SORCS3: variants seen among roughly 807,000 people sequenced by gnomAD.
SORCS3 encodes the protein VPS10 domain-containing receptor SorCS3.
Under a neutral mutation model 146.3 loss-of-function variants are expected in SORCS3, and 57 were observed. The observed-to-expected ratio is 0.39, with a 90% CI of 0.31 to 0.49. SORCS3 has a LOEUF of 0.49. SORCS3 is among the 20% of genes least tolerant of loss of function. The pLI is 0.92. For missense variants in SORCS3, 1,341 were observed against 1,575.5 expected (o/e 0.85, Z 2.52); for synonymous variants, 653 against 618.5 (o/e 1.06, Z -0.83).
chr10:105,051,777 C>A (rs1196323492), intron 5 of SORCS3, among the ~76,000 whole-genome samples: 2 of 152,068 alleles, frequency 1.3e-5, no homozygotes, highest in Non-Finnish European at 2.9e-5. Context: ...TATTGCAAAC[C>A]AGGGTATGCT....
chr10:104,970,497 C>T (rs2054854602), intron 3 of SORCS3, among the ~76,000 whole-genome samples: 1 of 152,170 alleles, frequency 6.6e-6, no homozygotes, highest in Admixed American at 6.5e-5. Flanking sequence ...ACAGATGCTT[C>T]CTCAGGTTTT....
intron 4 of SORCS3, among the ~76,000 whole-genome samples, chr10:105,000,060 T>C (rs2055051855): frequency 1.1e-5 from 1 of 89,560 alleles, no homozygotes; most frequent in Middle Eastern, 5.4e-3. Flanking sequence ...ACCTGCTGAA[T>C]GAATGAATGA....
intron 19 of SORCS3, among the ~76,000 whole-genome samples, chr10:105,219,322 T>A (rs1206613998): frequency 1.3e-5 from 2 of 152,188 alleles, no homozygotes; most frequent in Non-Finnish European, 2.9e-5. Context: ...TATCCAGCAA[T>A]GAGTTGTAAC....
chr10:105,125,963 T>G (rs1166403762), intron 7 of SORCS3, among the ~76,000 whole-genome samples: 1 of 152,058 alleles, frequency 6.6e-6, no homozygotes, highest in East Asian at 1.9e-4. Flanking sequence ...AAGTCTAGGC[T>G]TGGTTGCTGT....
In SORCS3 at chr10:105,009,240, G is replaced by A. The variant is rs538232359; in HGVS notation, c.954+31747G>A. On this transcript the variant is annotated intron_variant, in intron 4 of 26. Transcript: ENST00000369701. ...GAGCTAGTGCATGTCAGAGCCAAAG[G>A]AGAAACTAATTTTTTAGGAGAATCT... Among the ~76,000 whole-genome samples the A allele has an allele frequency of 1.6e-3, 246 of 152,258 alleles. 2 individuals are homozygous for A. Among genetic ancestry groups the A allele is most frequent in the Non-Finnish European group, 3.1e-3 (210 of 68,020 alleles).
chr10:105,134,597 C>G (rs1384395758), intron 7 of SORCS3, among the ~76,000 whole-genome samples: 1 of 151,634 alleles, frequency 6.6e-6, no homozygotes, highest in Non-Finnish European at 1.5e-5. Flanking sequence ...TTCTCCAGCC[C>G]TTTTATGAAG....
At chr10:104,680,562 C>T (rs965346118) in intron 1 of SORCS3, among the ~76,000 whole-genome samples, 1 of 152,206 alleles carries the variant, frequency 6.6e-6, no homozygotes, top group African/African-American at 2.4e-5. Flanking sequence ...GTGGGTGAGT[C>T]ATTTGACCTC....
intron 7 of SORCS3, among the ~76,000 whole-genome samples, chr10:105,126,996 A>G (rs2055979973): frequency 6.6e-6 from 1 of 152,134 alleles, no homozygotes; most frequent in Non-Finnish European, 1.5e-5. Context: ...TCCATGACCC[A>G]TGGTACTTAA....
At chr10:104,730,038 A>G (rs929786534) in intron 1 of SORCS3, among the ~76,000 whole-genome samples, 1 of 152,198 alleles carries the variant, frequency 6.6e-6, no homozygotes, top group African/African-American at 2.4e-5. Flanking sequence ...CAGACTTGGT[A>G]CTCAGCAAAT....
At chr10:105,109,494 C>T (rs1313454462) in intron 7 of SORCS3, among the ~76,000 whole-genome samples, 2 of 152,046 alleles carry the variant, frequency 1.3e-5, no homozygotes, top group Admixed American at 6.6e-5. Context: ...TAGTTTTTCC[C>T]ATTTATCTCT....
At chr10:104,743,480 T>G (rs2016873778) in intron 1 of SORCS3, among the ~76,000 whole-genome samples, 1 of 152,184 alleles carries the variant, frequency 6.6e-6, no homozygotes, top group African/African-American at 2.4e-5. Context: ...CATGGTCCAG[T>G]GCAGGGAGGC....
chr10:104,716,246 C>T (rs750705821), intron 1 of SORCS3, among the ~76,000 whole-genome samples: 38 of 152,158 alleles, frequency 2.5e-4, no homozygotes, highest in East Asian at 7.7e-4. Context: ...ATAAGATACA[C>T]GAGGACAAGG....
chr10:105,245,525 G>C lies in SORCS3; in HGVS notation c.2869-17G>C, dbSNP rs752166681. 6.2e-7 allele frequency: 1 copy of C among 1,613,824 alleles called. No individual in the cohort carries two copies. The highest frequency in any genetic ancestry group is 8.5e-7 in the Non-Finnish European group (1 of 1,179,852). ...TCCCACACAAGACTGAATGAGTATT[G>C]TTACTTCTTCTTGTAGCCTCTCATC... On this transcript the variant is annotated splice_polypyrimidine_tract_variant and intron_variant, in intron 20 of 26. Transcript: ENST00000369701.
At chr10:105,220,050 C>G (rs1307255060) in intron 19 of SORCS3, among the ~76,000 whole-genome samples, 1 of 152,084 alleles carries the variant, frequency 6.6e-6, no homozygotes, top group Non-Finnish European at 1.5e-5. Context: ...GTTAGCTGCC[C>G]AAAATAACCA....
At chr10:104,872,070 C>G (rs2018524435) in intron 2 of SORCS3, among the ~76,000 whole-genome samples, 1 of 152,126 alleles carries the variant, frequency 6.6e-6, no homozygotes, top group African/African-American at 2.4e-5. Context: ...ATAAAGTACA[C>G]AAAGTATACA....
chr10:104,931,767 T>G (rs2019210902), intron 3 of SORCS3, among the ~76,000 whole-genome samples: 1 of 152,154 alleles, frequency 6.6e-6, no homozygotes, highest in African/African-American at 2.4e-5. Context: ...AACTTTTGCT[T>G]ATGCAGGGAC....
chr10:104,869,397 G>A (rs2018493244), intron 2 of SORCS3, among the ~76,000 whole-genome samples: 1 of 152,150 alleles, frequency 6.6e-6, no homozygotes, highest in Admixed American at 6.5e-5. Flanking sequence ...CTGCCTTTTT[G>A]TTGTATTCAG....
intron 1 of SORCS3, among the ~76,000 whole-genome samples, chr10:104,694,328 A>G (rs2016148974): frequency 6.6e-6 from 1 of 151,378 alleles, no homozygotes; most frequent in South Asian, 2.1e-4. Context: ...GGAGCTTTGG[A>G]AGCAGATGGT....
At chr10:105,251,675 T>C (rs2056899347) in intron 22 of SORCS3, among the ~76,000 whole-genome samples, 1 of 152,122 alleles carries the variant, frequency 6.6e-6, no homozygotes, top group African/African-American at 2.4e-5. Context: ...GGATAAAAGA[T>C]CTTCAGGAGA....
Sources: gnomAD v4.1 joint callset for allele counts (sites outside exome capture counted in the v4.1 genomes callset) on GRCh38, gnomAD v4.1.1 for gene constraint, MANE v1.5 for transcripts, NCBI Gene and HGNC (gene_info 2026-07-23, HGNC 2026-07-21) for gene names.